SNTG1: variants seen among roughly 807,000 people sequenced by gnomAD.
SNTG1 encodes syntrophin gamma 1, also known as gamma-1-syntrophin.
Under a neutral mutation model 74.7 loss-of-function variants are expected in SNTG1, and 39 were observed. The observed-to-expected ratio is 0.52, with a 90% CI of 0.40 to 0.68. The LOEUF (loss-of-function observed/expected upper bound fraction) is 0.68, where lower values mean the gene tolerates loss of function less well. Among genes scored for constraint, SNTG1 ranks in the 30% least tolerant of loss-of-function variants. The pLI, the probability that SNTG1 is intolerant of heterozygous loss-of-function variation, is 0.00. For synonymous variants in SNTG1, 254 were observed against 217.1 expected, an observed-to-expected ratio of 1.17 and a Z score of -1.49; for missense variants, 685 against 609.5, an observed-to-expected ratio of 1.12 and a Z score of -1.30.
chr8:50,729,204 C>T (rs1430440992), intron 17 of SNTG1, among the ~76,000 whole-genome samples: 1 of 152,148 alleles, frequency 6.6e-6, no homozygotes, highest in African/African-American at 2.4e-5. Context: ...TGGCTCATCC[C>T]TGATTCCAGG....
At chr8:50,258,289 T>A (rs1056252026) in intron 2 of SNTG1, among the ~76,000 whole-genome samples, 3 of 152,210 alleles carry the variant, frequency 2.0e-5, no homozygotes, top group Admixed American at 2.0e-4. Flanking sequence ...GAGTAGGAAA[T>A]ATTATATTAC....
At chr8:50,611,185 T>C (rs1273379458) in intron 13 of SNTG1, among the ~76,000 whole-genome samples, 1 of 152,168 alleles carries the variant, frequency 6.6e-6, no homozygotes, top group South Asian at 2.1e-4. Context: ...ATGTATCCTT[T>C]GGCAAAGGGT....
intron 2 of SNTG1, among the ~76,000 whole-genome samples, 153 bp downstream of exon 2, chr8:50,172,788 A>C (rs2082856440): frequency 1.2e-5 from 1 of 81,550 alleles, no homozygotes; most frequent in African/African-American, 4.2e-5. Flanking sequence ...AAAAAAAAAA[A>C]CAAAACCTCT....
At chr8:50,596,539 A>G (rs537365405) in intron 13 of SNTG1, among the ~76,000 whole-genome samples, 17 of 152,134 alleles carry the variant, frequency 1.1e-4, no homozygotes, top group African/African-American at 2.6e-4. Flanking sequence ...TGTTGAAAGT[A>G]TTATTCTTTC....
chr8:50,385,194 T>A (rs974757248), intron 2 of SNTG1, among the ~76,000 whole-genome samples: 1 of 152,198 alleles, frequency 6.6e-6, no homozygotes, highest in Non-Finnish European at 1.5e-5. Flanking sequence ...AGCCTGGACC[T>A]GACGCAGAAT....
chr8:50,780,316 G>C lies in SNTG1; in HGVS notation c.1396-12355G>C, dbSNP rs566594004. Among the ~76,000 whole-genome samples the C allele has an allele frequency of 5.3e-5, 8 of 152,290 alleles. No homozygotes were observed. The East Asian group carries it at 1.5e-3, about 29-fold the overall frequency. On this transcript the variant is annotated intron_variant, in intron 18 of 18. Coordinates refer to ENST00000642720, the MANE Select transcript of SNTG1 (RefSeq NM_018967.5). ...CTTGTACCTCTTGTAGAATTCGGCT[G>C]TGAATCCCTCTGGTCCTGGACTCTT...
chr8:50,256,787 T>A (rs202157176), intron 2 of SNTG1, among the ~76,000 whole-genome samples: 5 of 4,788 alleles, frequency 1.0e-3, no homozygotes, highest in African/African-American at 1.1e-3. Flanking sequence ...TGTGTGTGCG[T>A]GTGTGTGTGT....
chr8:50,445,799 A>T (rs1167258613), intron 5 of SNTG1, among the ~76,000 whole-genome samples: 2 of 152,196 alleles, frequency 1.3e-5, no homozygotes, highest in Non-Finnish European at 2.9e-5. Context: ...ATGGTGATGA[A>T]AGCCTTGCCT....
rs142325339 is a variant in SNTG1 at position 50,723,334 on chromosome 8, T to G, written c.1284+14356T>G. 2.4e-3 allele frequency among the ~76,000 whole-genome samples: 365 copies of G among 152,300 alleles called. 5 individuals are homozygous for G. Among genetic ancestry groups the G allele is most frequent in the African/African-American group, 7.6e-3 (317 of 41,556 alleles). On this transcript the variant is annotated intron_variant, in intron 17 of 18. Transcript: ENST00000642720. ...TCCTTTCGACTTGATCTCTACCAAG[T>G]TCAGCAAATTAAGACTATTACTAAT...
intron 2 of SNTG1, among the ~76,000 whole-genome samples, chr8:50,322,988 T>C (rs1283333754): frequency 2.6e-5 from 4 of 151,658 alleles, no homozygotes; most frequent in Non-Finnish European, 4.4e-5. Context: ...TGGTGGCACA[T>C]GCCTGCACTT....
intron 1 of SNTG1, among the ~76,000 whole-genome samples, chr8:50,045,589 T>C (rs982854262): frequency 3.3e-5 from 5 of 152,156 alleles, no homozygotes; most frequent in African/African-American, 1.2e-4. Flanking sequence ...TTTACTTCTT[T>C]TGGGGAGGGG....
At chr8:50,282,693 G>A (rs2088539775) in intron 2 of SNTG1, among the ~76,000 whole-genome samples, 1 of 152,108 alleles carries the variant, frequency 6.6e-6, no homozygotes, top group Admixed American at 6.5e-5. Flanking sequence ...TTGAACCCAG[G>A]AGGCGGAGGT....
Position 49,911,735 on chromosome 8 carries a change from T to G in SNTG1, c.-599T>G, listed in dbSNP as rs1805599945. 6.6e-6 allele frequency: 1 copy of G among 152,204 alleles called. No individual in the cohort carries two copies. The highest frequency in any genetic ancestry group is 1.5e-5 in the Non-Finnish European group (1 of 68,068). 9.4% of individuals were successfully genotyped at this position (152,204 alleles called of 1,614,324 possible). A position where few individuals can be genotyped will look rare whatever the true frequency, so the allele number is the denominator to read the frequency against. On this transcript the variant is annotated 5_prime_UTR_variant, in exon 1 of 19. Transcript: ENST00000642720. ...GATGGACAGCGTCTCCGGACTGAGC[T>G]GCAGCCACAGGGACGGAACTACGCT...
chr8:50,577,723 A>C (rs1373904470), intron 12 of SNTG1, among the ~76,000 whole-genome samples: 1 of 152,230 alleles, frequency 6.6e-6, no homozygotes, highest in Non-Finnish European at 1.5e-5. Flanking sequence ...ATTAGTCAGG[A>C]AAATATACTA....
chr8:50,167,901 CATTA>C (rs2131632693), intron 1 of SNTG1, among the ~76,000 whole-genome samples: 1 of 151,240 alleles, frequency 6.6e-6, no homozygotes, highest in South Asian at 2.1e-4. Context: ...TTTAGAAAGC[CATTA>C]ATTAGTTTGC....
intron 2 of SNTG1, among the ~76,000 whole-genome samples, chr8:50,262,173 A>G (rs2087226626): frequency 6.6e-6 from 1 of 152,228 alleles, no homozygotes; most frequent in Non-Finnish European, 1.5e-5. Context: ...GAAAAATAGC[A>G]TACTAAGATT....
At chr8:50,031,477 C>T (rs1478793269) in intron 1 of SNTG1, among the ~76,000 whole-genome samples, 2 of 152,002 alleles carry the variant, frequency 1.3e-5, no homozygotes, top group African/African-American at 4.8e-5. Flanking sequence ...TTCGTAGATT[C>T]TCTTTATCAC....
chr8:50,419,221 A>G (rs949892521), intron 4 of SNTG1, among the ~76,000 whole-genome samples: 2 of 152,166 alleles, frequency 1.3e-5, no homozygotes, highest in African/African-American at 4.8e-5. Context: ...GGGCAGCTTA[A>G]CAAGAAAATA....
At chr8:49,989,020 T>G (rs1450894477) in intron 1 of SNTG1, among the ~76,000 whole-genome samples, 2 of 151,978 alleles carry the variant, frequency 1.3e-5, no homozygotes, top group Non-Finnish European at 2.9e-5. Flanking sequence ...ATTACCCTAA[T>G]TTGATCATTA....
Sources: allele counts gnomAD v4.1 joint callset (sites outside exome capture counted in the v4.1 genomes callset), GRCh38; gene constraint gnomAD v4.1.1; transcripts MANE v1.5; gene names NCBI Gene and HGNC (gene_info 2026-07-23, HGNC 2026-07-21).